UNC13B: variants seen among roughly 807,000 people sequenced by gnomAD.
UNC13B encodes the protein protein unc-13 homolog B.
In UNC13B, 144 loss-of-function variants were observed where a neutral mutation model predicts 211.0. That is an observed-to-expected ratio of 0.68 (90% CI 0.60 to 0.78). The LOEUF (loss-of-function observed/expected upper bound fraction) is 0.78, where lower values mean the gene tolerates loss of function less well. UNC13B is among the 30% of genes least tolerant of loss of function. The pLI is 0.00. For synonymous variants in UNC13B, 709 were observed against 725.8 expected (o/e 0.98, Z 0.37); for missense variants, 1,777 against 2,002.0 (o/e 0.89, Z 2.14).
intron 6 of UNC13B, among the ~76,000 whole-genome samples, chr9:35,252,934 G>GA (rs200238778): frequency 6.7e-6 from 1 of 149,220 alleles, no homozygotes; most frequent in African/African-American, 2.5e-5. Context: ...TGTCTCAAAA[G>GA]AAAAAAAAAA....
At chr9:35,380,386 G>T in intron 17 of UNC13B, 84 bp from the exon 18 acceptor site, 1 of 1,454,950 alleles carries the variant, frequency 6.9e-7, no homozygotes, top group Non-Finnish European at 9.4e-7. Context: ...TGCAGCTGTC[G>T]GAGCTTTTGG....
rs1829317047 is a variant in UNC13B at position 35,295,692 on chromosome 9, A to G, written c.527-4A>G. 1 of 1,613,830 alleles carries G rather than the reference A, an allele frequency of 6.2e-7. No homozygotes were observed. Among genetic ancestry groups the G allele is most frequent in the Non-Finnish European group, 8.5e-7 (1 of 1,179,830 alleles). On this transcript the variant is annotated splice_polypyrimidine_tract_variant and splice_region_variant and intron_variant, in intron 7 of 39. Transcript: ENST00000635942. ...TGCTTTGATTGAATGTGCTTATTCC[A>G]TAGCTTTTGAAGACCCTGATAGTGC...
In UNC13B at chr9:35,396,567, G is replaced by A; in HGVS notation, c.11400G>A (p.Leu3800=). Reference sequence around the variant, plus strand: ...TCCACAATGAATACGTGCGGGATCTGCCTGTCCTCCAGGGGCAGGTGCCTG... The same window carrying A: ...TCCACAATGAATACGTGCGGGATCTACCTGTCCTCCAGGGGCAGGTGCCTG... The part of the protein sequence containing the change: ...KWLHNEYVRD[L]PVLQGQVPEY... The change falls in exon 27 of 40, where the codon CTG becomes CTA. Residue 3800 remains leucine, a synonymous_variant. Transcript: ENST00000635942. 1 of 1,614,088 alleles carries A rather than the reference G, an allele frequency of 6.2e-7. No individual in the cohort carries two copies. The highest frequency in any genetic ancestry group is 8.5e-7 in the Non-Finnish European group (1 of 1,180,030).
At chr9:35,333,358 C>G (rs769154354) in intron 11 of UNC13B, among the ~76,000 whole-genome samples, 1 of 152,146 alleles carries the variant, frequency 6.6e-6, no homozygotes, top group African/African-American at 2.4e-5. Context: ...AGTTCTCCAC[C>G]ACTTACGGCC....
chr9:35,197,752 C>T (rs1198549320), intron 1 of UNC13B, among the ~76,000 whole-genome samples: 2 of 151,916 alleles, frequency 1.3e-5, no homozygotes, highest in Non-Finnish European at 2.9e-5. Context: ...TTTGTAGTAC[C>T]TCTCCCACCT....
At position 35,375,190 on chromosome 9, in the gene UNC13B, G is replaced by T; in HGVS notation, c.9604G>T (p.Asp3202Tyr). The change falls in exon 14 of 40, where the codon GAC becomes TAC. Residue 3202 changes from aspartate (D) to tyrosine (Y), a missense_variant. Physicochemically the swap from Asp to Tyr is radical, Grantham distance 160. Coordinates refer to ENST00000635942, the MANE Select transcript of UNC13B (RefSeq NM_001371189.2). Reference protein sequence around the residue: ...SAMATRTSLKDEELKSHVYKK... With the variant: ...SAMATRTSLKYEELKSHVYKK... ...AATGGCTACACGCACTTCTCTTAAG[G>T]ACGAAGAGCTGGTAAGTGTCCCAAG... 1 of 1,614,132 alleles carries T rather than the reference G, an allele frequency of 6.2e-7. No homozygotes were observed. The highest frequency in any genetic ancestry group is 8.5e-7 in the Non-Finnish European group (1 of 1,179,968).
chr9:35,227,940 A>T, intron 1 of UNC13B, 75 bp from the exon 2 acceptor site: 1 of 1,258,100 alleles, frequency 7.9e-7, no homozygotes, highest in Non-Finnish European at 1.2e-6. Flanking sequence ...ATTGGTATGT[A>T]GTGCCTAATA....
chr9:35,335,758 C>T (rs1412353794), intron 11 of UNC13B, among the ~76,000 whole-genome samples: 3 of 151,124 alleles, frequency 2.0e-5, no homozygotes, highest in African/African-American at 4.9e-5. Flanking sequence ...GGCACAATCA[C>T]GGCTCACTGT....
intron 7 of UNC13B, among the ~76,000 whole-genome samples, 182 bp downstream of exon 7, chr9:35,259,232 C>T (rs1029665009): frequency 4.6e-5 from 7 of 152,072 alleles, no homozygotes; most frequent in Non-Finnish European, 8.8e-5. Context: ...TTTAGGGAGA[C>T]GTTTTTCGGT....
chr9:35,319,774 T>A (rs1035264004), intron 11 of UNC13B, among the ~76,000 whole-genome samples: 1 of 151,940 alleles, frequency 6.6e-6, no homozygotes, highest in African/African-American at 2.4e-5. Context: ...ACCCTTCACC[T>A]CAGCCTCCCA....
intron 11 of UNC13B, among the ~76,000 whole-genome samples, chr9:35,349,938 G>A (rs1008138838): frequency 6.6e-6 from 1 of 152,128 alleles, no homozygotes; most frequent in African/African-American, 2.4e-5. Context: ...CTTGAGTACT[G>A]GGAAAATAAA....
At chr9:35,200,991 T>C (rs1394873805) in intron 1 of UNC13B, among the ~76,000 whole-genome samples, 4 of 152,198 alleles carry the variant, frequency 2.6e-5, no homozygotes, top group African/African-American at 4.8e-5. Context: ...ATAGCTCTTA[T>C]TATTTTGAGA....
At chr9:35,364,442 C>T (rs1196496539) in intron 11 of UNC13B, 9 of 1,302,276 alleles carry the variant, frequency 6.9e-6, no homozygotes, top group Non-Finnish European at 8.5e-6. Flanking sequence ...CCCTCTCTTC[C>T]ATGTCCCTTG....
Position 35,263,415 on chromosome 9 carries a change from C to G in UNC13B, c.526+4365C>G, listed in dbSNP as rs4376575. ...TTGCTTCCAGGACCCCTGCACGTAC[C>G]AAAATCCGTGCATACTCAAATTCCT... On this transcript the variant is annotated intron_variant, in intron 7 of 39. Coordinates refer to ENST00000635942, the MANE Select transcript of UNC13B (RefSeq NM_001371189.2). Among the ~76,000 whole-genome samples, 22 of 151,442 alleles carry G rather than the reference C, an allele frequency of 1.5e-4. No individual in the cohort carries two copies. The East Asian group carries it at 3.9e-3, about 27-fold the overall frequency.
intron 11 of UNC13B, among the ~76,000 whole-genome samples, chr9:35,355,415 C>T (rs998176478): frequency 2.6e-5 from 4 of 152,058 alleles, no homozygotes; most frequent in South Asian, 2.1e-4. Flanking sequence ...ATGAAAATTA[C>T]GTCATTCTCT....
intron 7 of UNC13B, 131 bp downstream of exon 7, chr9:35,259,181 C>A: frequency 2.1e-6 from 2 of 952,518 alleles, no homozygotes; most frequent in South Asian, 1.6e-5. Context: ...TGAAGCACAT[C>A]TGTTCAGGCG....
intron 26 of UNC13B, among the ~76,000 whole-genome samples, chr9:35,391,703 C>A (rs1835547285): frequency 6.6e-6 from 1 of 152,194 alleles, no homozygotes; most frequent in African/African-American, 2.4e-5. Flanking sequence ...AGTCTCAGTT[C>A]TTGAAGAACT....
intron 7 of UNC13B, among the ~76,000 whole-genome samples, chr9:35,293,487 A>G (rs1486718625): frequency 6.6e-6 from 1 of 152,206 alleles, no homozygotes; most frequent in Non-Finnish European, 1.5e-5. Flanking sequence ...TTTTCCTGCC[A>G]GAGTTTAGTA....
chr9:35,270,641 C>T (rs767248581), intron 7 of UNC13B, among the ~76,000 whole-genome samples: 9 of 152,060 alleles, frequency 5.9e-5, no homozygotes, highest in Non-Finnish European at 1.3e-4. Context: ...ACCACCAGCA[C>T]ACCAAAAATT....
Sources: gnomAD v4.1 joint callset for allele counts (sites outside exome capture counted in the v4.1 genomes callset) on GRCh38, gnomAD v4.1.1 for gene constraint, MANE v1.5 for transcripts, NCBI Gene and HGNC (gene_info 2026-07-23, HGNC 2026-07-21) for gene names.